DNAH1: variants seen among roughly 807,000 people sequenced by gnomAD.
The protein encoded by DNAH1 is axonemal beta dynein heavy chain 1.
A neutral mutation model predicts 484.3 loss-of-function variants in DNAH1; 327 were observed. The observed-to-expected ratio is 0.68, with a 90% CI of 0.62 to 0.74. DNAH1 has a LOEUF of 0.74. Ranked by LOEUF, DNAH1 falls within the 30% of genes least tolerant of loss-of-function variation. The pLI is 0.00. For synonymous variants in DNAH1, 2,192 were observed against 2,191.9 expected (o/e 1.00, Z 0.00); for missense variants, 5,052 against 5,546.8 (o/e 0.91, Z 2.83).
chr3:52,396,321 G>A, intron 70 of DNAH1, 47 bp from the exon 71 acceptor site: 1 of 1,534,444 alleles, frequency 6.5e-7, no homozygotes, highest in Non-Finnish European at 8.8e-7. Flanking sequence ...TGTCAGGGTG[G>A]CCACCAGATA....
Position 52,398,844 on chromosome 3 carries a change from TCA to T in DNAH1, c.12090-3_12090-2del. The T allele has an allele frequency of 6.5e-7, 1 of 1,528,190 alleles. No homozygotes were observed. Among genetic ancestry groups the T allele is most frequent in the East Asian group, 2.3e-5 (1 of 43,526 alleles). 94.7% of individuals were successfully genotyped at this position (1,528,190 alleles called of 1,614,324 possible). ...ACTACCTATTCTCTTGCCACTGGCC[TCA>T]CAGGTACAATCGGCTGCTGCAGGTG... is the stretch of plus-strand genomic sequence containing the variant. On this transcript the variant is annotated splice_polypyrimidine_tract_variant and splice_region_variant and intron_variant, in intron 75 of 77. Coordinates refer to ENST00000420323, the MANE Select transcript of DNAH1 (RefSeq NM_015512.5).
rs908877732 is a variant in DNAH1 at position 52,363,102 on chromosome 3, C to G, written c.5202C>G (p.Ile1734Met). The G allele has an allele frequency of 6.2e-7, 1 of 1,613,930 alleles. No individual in the cohort carries two copies. The highest frequency in any genetic ancestry group is 8.5e-7 in the Non-Finnish European group (1 of 1,179,856). Residue 1734 changes from isoleucine (I) to methionine (M), a missense_variant, in exon 32 of 78, where the codon ATC becomes ATG. Ile to Met is a conservative substitution (Grantham distance 10). This residue lies in a region of DNAH1 where 2,929 missense variants were observed against 3,409.4 expected (regional missense o/e 0.86). Transcript: ENST00000420323. ...AGGCCAGTGTGCTGGCTAAGAAGAT[C>G]ACAACCACCTTCAAGCTGTCTTCTG... Reference protein sequence around the residue: ...FNEASVLAKKITTTFKLSSEQ... With the variant: ...FNEASVLAKKMTTTFKLSSEQ...
At chr3:52,339,260 T>G (rs1025956105) in intron 8 of DNAH1, among the ~76,000 whole-genome samples, 2 of 152,094 alleles carry the variant, frequency 1.3e-5, no homozygotes, top group Admixed American at 6.5e-5. Context: ...TTTACTTCCT[T>G]TATTTTCTCT....
In DNAH1 at chr3:52,384,994, C is replaced by T. The variant is rs1704036817; in HGVS notation, c.8514+17C>T. 2 of 1,605,074 alleles carry T rather than the reference C, an allele frequency of 1.2e-6. No individual in the cohort carries two copies. The highest frequency in any genetic ancestry group is 1.7e-5 in the Admixed American group (1 of 59,232). Reference sequence around the variant, plus strand: ...CTCGACAAGGTGGGCCCAGGCGAGTCCCCGTGGACAAGGTCAGCTGCCTGC... The same window carrying T: ...CTCGACAAGGTGGGCCCAGGCGAGTTCCCGTGGACAAGGTCAGCTGCCTGC... On this transcript the variant is annotated intron_variant, in intron 53 of 77. Transcript: ENST00000420323.
chr3:52,376,384 G>A (rs1302046804), intron 46 of DNAH1, among the ~76,000 whole-genome samples: 4 of 152,208 alleles, frequency 2.6e-5, no homozygotes, highest in African/African-American at 4.8e-5. Context: ...CCGTCGTCGC[G>A]GCAAGGCGGC....
intron 17 of DNAH1, 98 bp downstream of exon 17, chr3:52,352,201 C>T: frequency 1.4e-6 from 2 of 1,470,754 alleles, no homozygotes; most frequent in Non-Finnish European, 9.2e-7. Flanking sequence ...TCAGGAGGTG[C>T]TGAGTCAACA....
rs1345420086 is a variant in DNAH1 at position 52,398,418 on chromosome 3, A to C, written c.12089+256A>C. Among the ~76,000 whole-genome samples, 3 of 152,086 alleles carry C rather than the reference A, an allele frequency of 2.0e-5. No homozygotes were observed. In the East Asian group the frequency reaches 5.8e-4, roughly 29 times the overall value. The stretch of plus-strand genomic sequence containing the variant: ...TGCCTCAGCTTCCTGAATAGCTGGG[A>C]CTATAGGCGCACACCACCTAATTAG... On this transcript the variant is annotated intron_variant, in intron 75 of 77. Transcript: ENST00000420323.
rs1702403249 is a variant in DNAH1 at position 52,352,000 on chromosome 3, A to G, written c.2768A>G (p.Gln923Arg). 6.2e-7 allele frequency: 1 copy of G among 1,601,698 alleles called. No homozygotes were observed. Among genetic ancestry groups the G allele is most frequent in the Non-Finnish European group, 8.5e-7 (1 of 1,174,426 alleles). ...ASNWPSKILGQIELVQQQHVE... is the reference protein window; with the variant it reads ...ASNWPSKILGRIELVQQQHVE... ...AACTGGCCTTCTAAGATCCTTGGGC[A>G]GATAGAGCTGGTGCAGCAGCAGCAT... is the stretch of plus-strand genomic sequence containing the variant. Residue 923 changes from glutamine (Q) to arginine (R), a missense_variant, in exon 17 of 78, where the codon CAG (glutamine) becomes CGG (arginine). Transcript: ENST00000420323.
At position 52,364,743 on chromosome 3, in the gene DNAH1, G is replaced by T. The variant is rs1702999755; in HGVS notation, c.5331+19G>T. ...GAATGAGGTGAGCTCCACCCAGCAG[G>T]GCTCCAGGAGTGGAACTCTGGGAGG... is the stretch of plus-strand genomic sequence containing the variant. On this transcript the variant is annotated intron_variant, in intron 33 of 77. Coordinates refer to ENST00000420323, the MANE Select transcript of DNAH1 (RefSeq NM_015512.5). This position sits in a 1 kb window ranked among gnomAD's most constrained non-coding sequence, Gnocchi z 4.2. 1 of 1,610,028 alleles carries T rather than the reference G, an allele frequency of 6.2e-7. No homozygotes were observed. Among genetic ancestry groups the T allele is most frequent in the South Asian group, 1.1e-5 (1 of 90,488 alleles).
rs964478323 is a variant in DNAH1, at chr3:52,353,916, G to T, written c.3480+283G>T. On this transcript the variant is annotated intron_variant, in intron 20 of 77. Coordinates refer to ENST00000420323, the MANE Select transcript of DNAH1 (RefSeq NM_015512.5). The surrounding 1 kb of genome is among the most constrained non-coding windows in gnomAD (Gnocchi z 5.0). The stretch of plus-strand genomic sequence containing the variant: ...CAATTTAACAGATGTGTCAGGCCGG[G>T]TGCAGTGACACATGCCTGTAAATCC... 3.1e-5 allele frequency: 13 copies of T among 419,952 alleles called. No homozygotes were observed. The highest frequency in any genetic ancestry group is 4.4e-5 in the Non-Finnish European group (10 of 227,414). 26.0% of individuals were successfully genotyped at this position (419,952 alleles called of 1,614,324 possible).
At chr3:52,365,104 C>T in intron 34 of DNAH1, 85 bp downstream of exon 34, 3 of 1,505,180 alleles carry the variant, frequency 2.0e-6, no homozygotes, top group Non-Finnish European at 2.7e-6. Flanking sequence ...ACAGGACAGT[C>T]CAACCCCAGG....
At chr3:52,341,105 A>C (rs1208071779) in intron 8 of DNAH1, among the ~76,000 whole-genome samples, 2 of 152,106 alleles carry the variant, frequency 1.3e-5, no homozygotes, top group African/African-American at 2.4e-5. Context: ...TTTTGGCTTT[A>C]AGTATCAAAG....
chr3:52,331,209 C>T lies in DNAH1; in HGVS notation c.933C>T (p.Asp311=), dbSNP rs199505182. Reference sequence around the variant, plus strand: ...GCGAGGTCGGCGTCCTGGACTACGACGAGGAGAAGAAGCTATACCTGGTAC... The same window carrying T: ...GCGAGGTCGGCGTCCTGGACTACGATGAGGAGAAGAAGCTATACCTGGTAC... ...KWCEVGVLDY[D]EEKKLYLVHK... Residue 311 remains aspartate, a synonymous_variant, in exon 7 of 78, where the codon GAC becomes GAT. Coordinates refer to ENST00000420323, the MANE Select transcript of DNAH1 (RefSeq NM_015512.5). 5.3e-3 allele frequency: 8,489 copies of T among 1,609,148 alleles called. 30 individuals carry two copies. The highest frequency in any genetic ancestry group is 6.5e-3 in the Non-Finnish European group (7,693 of 1,177,818).
chr3:52,332,531 GACTTGTTGGGGCCTCAA>G, intron 8 of DNAH1, 137 bp downstream of exon 8: 1 of 1,305,096 alleles, frequency 7.7e-7, no homozygotes, highest in Non-Finnish European at 1.0e-6. Flanking sequence ...TTGCCCTCTG[GACTTGTTGGGGCCTCAA>G]ACAATTTTTT....
intron 70 of DNAH1, 53 bp from the exon 71 acceptor site, chr3:52,396,315 A>C (rs1042369746): frequency 7.1e-5 from 108 of 1,521,398 alleles, no homozygotes; most frequent in Non-Finnish European, 8.7e-5. Context: ...GCCTGGTGTC[A>C]GGGTGGCCAC....
At chr3:52,356,880 G>T in intron 22 of DNAH1, 102 bp downstream of exon 22, 3 of 1,377,538 alleles carry the variant, frequency 2.2e-6, no homozygotes, top group Non-Finnish European at 3.0e-6. Flanking sequence ...AGAAAAGGCT[G>T]GTGGACAAGC....
intron 43 of DNAH1, 24 bp downstream of exon 43, chr3:52,372,411 T>C (rs766487203): frequency 6.2e-7 from 1 of 1,610,812 alleles, no homozygotes; most frequent in East Asian, 2.2e-5. Flanking sequence ...CCCTCCTTCC[T>C]CACCCCTGCA....
At chr3:52,374,445 A>G in intron 44 of DNAH1, 2 of 1,331,572 alleles carry the variant, frequency 1.5e-6, no homozygotes, top group South Asian at 2.3e-5. Flanking sequence ...CTGGCCAAAG[A>G]CTCACAGTCC....
Position 52,375,280 on chromosome 3 carries a change from C to T in DNAH1, c.7026C>T (p.Ala2342=), listed in dbSNP as rs1187491364. Residue 2342 remains alanine (A), a synonymous_variant, in exon 45 of 78, where the codon GCC becomes GCT. Transcript: ENST00000420323. ...KNLVDINFVC[A]MGPPGGGRNT... Reference sequence around the variant, plus strand: ...TAGTGGACATCAACTTTGTCTGTGCCATGGGCCCCCCGGGTGGAGGCAGGA... The same window carrying T: ...TAGTGGACATCAACTTTGTCTGTGCTATGGGCCCCCCGGGTGGAGGCAGGA... 6.2e-7 allele frequency: 1 copy of T among 1,611,264 alleles called. No homozygotes were observed. The highest frequency in any genetic ancestry group is 2.2e-5 in the East Asian group (1 of 44,824).
Sources: allele counts gnomAD v4.1 joint callset (sites outside exome capture counted in the v4.1 genomes callset), GRCh38; gene constraint gnomAD v4.1.1; regional missense constraint gnomAD v4.1.1; non-coding constraint Gnocchi (gnomAD v3.1); transcripts MANE v1.5; gene names NCBI Gene and HGNC (gene_info 2026-07-23, HGNC 2026-07-21).